SPTAN1: variants seen among roughly 807,000 people sequenced by gnomAD.
SPTAN1 encodes spectrin alpha chain, non-erythrocytic 1.
A neutral mutation model predicts 331.3 loss-of-function variants in SPTAN1; 61 were observed. The ratio of observed to expected loss-of-function variants is 0.18; its 90% CI spans 0.15 to 0.23. SPTAN1 has a LOEUF of 0.23. Among genes scored for constraint, SPTAN1 ranks in the 10% least tolerant of loss-of-function variants. SPTAN1 has a pLI of 1.00. For synonymous variants in SPTAN1, 1,153 were observed against 1,173.9 expected (o/e 0.98, Z 0.36); for missense variants, 2,043 against 3,147.9 (o/e 0.65, Z 8.40).
At chr9:128,591,348 G>A in intron 21 of SPTAN1, 129 bp from the exon 22 acceptor site, 2 of 1,173,208 alleles carry the variant, frequency 1.7e-6, no homozygotes. Flanking sequence ...TTATAGGTGT[G>A]AGCCACTGTG....
chr9:128,625,795 C>G lies in SPTAN1; in HGVS notation c.6096C>G (p.Ala2032=). 3 of 1,614,168 alleles carry G rather than the reference C, an allele frequency of 1.9e-6. No homozygotes were observed. The highest frequency in any genetic ancestry group is 2.5e-6 in the Non-Finnish European group (3 of 1,180,032). ...AAACTTTTGACGCTGGGCTGCAGGC[C>G]TTCCAGCAGGAAGGCATTGCCAACA... ...KQETFDAGLQ[A]FQQEGIANIT... The change falls in exon 48 of 57, where the codon GCC becomes GCG. Residue 2032 remains alanine (A), a synonymous_variant. Coordinates refer to ENST00000372739, the MANE Select transcript of SPTAN1 (RefSeq NM_001130438.3). The surrounding 1 kb of genome is among the most constrained non-coding windows in gnomAD (Gnocchi z 4.1).
chr9:128,624,517 C>G (rs990286984), intron 46 of SPTAN1, 30 bp downstream of exon 46: 7 of 1,610,664 alleles, frequency 4.3e-6, no homozygotes, highest in Non-Finnish European at 5.9e-6. Context: ...CCCGGAAGAG[C>G]CTTCCCAGAG....
chr9:128,583,368 C>T (rs1852184996), intron 15 of SPTAN1, 87 bp downstream of exon 15: 1 of 1,340,268 alleles, frequency 7.5e-7, no homozygotes, highest in Non-Finnish European at 1.0e-6. Context: ...CATATACCCC[C>T]CAAGAAAGGT....
chr9:128,596,781 C>G (rs545530374), intron 24 of SPTAN1: 1 of 152,380 alleles, frequency 6.6e-6, no homozygotes, highest in African/African-American at 2.4e-5. Context: ...ACCTCAAACT[C>G]CTGTGCTCAA....
chr9:128,586,528 G>A (rs766886425), intron 19 of SPTAN1, among the ~76,000 whole-genome samples: 1 of 151,932 alleles, frequency 6.6e-6, no homozygotes, highest in Non-Finnish European at 1.5e-5. Flanking sequence ...TGTCACTCTT[G>A]TTTCATCTAT....
intron 20 of SPTAN1, among the ~76,000 whole-genome samples, chr9:128,588,107 C>T (rs937449788): frequency 1.3e-5 from 2 of 151,094 alleles, no homozygotes; most frequent in African/African-American, 4.9e-5. Context: ...AAGCAATTAC[C>T]CTGCCTCAGC....
chr9:128,574,651 A>G, intron 3 of SPTAN1, 24 bp from the exon 4 acceptor site: 2 of 1,613,168 alleles, frequency 1.2e-6, no homozygotes, highest in Non-Finnish European at 1.7e-6. Flanking sequence ...TGATCTGATT[A>G]AAACTCTGAT....
At chr9:128,589,649 C>T (rs142169147) in intron 21 of SPTAN1, among the ~76,000 whole-genome samples, 4,455 of 148,788 alleles carry the variant, frequency 0.03, 239 homozygotes, top group African/African-American at 0.1. Flanking sequence ...GATCTCAGCT[C>T]ACTACAAGCT....
Position 128,633,571 on chromosome 9 carries a change from C to G in SPTAN1, c.*237C>G. 2 of 1,065,592 alleles carry G rather than the reference C, an allele frequency of 1.9e-6. No homozygotes were observed. Among genetic ancestry groups the G allele is most frequent in the South Asian group, 1.5e-5 (1 of 68,020 alleles). The allele number at this position is 1,065,592 out of a possible 1,614,324, so 66.0% of individuals were successfully genotyped here. ...TGCCCTCATTCCGACTTCAGAAAAT[C>G]GAAGCAGCTGGCTCCTCCCCTTGTT... is the stretch of plus-strand genomic sequence containing the variant. On this transcript the variant is annotated 3_prime_UTR_variant, in exon 57 of 57. Transcript: ENST00000372739.
chr9:128,569,117 C>T (rs1564197821), intron 3 of SPTAN1, among the ~76,000 whole-genome samples: 1 of 152,104 alleles, frequency 6.6e-6, no homozygotes, highest in Non-Finnish European at 1.5e-5. Context: ...ATTCCTTTTG[C>T]AGAGCAAATT....
chr9:128,581,114 C>T, intron 11 of SPTAN1, 55 bp downstream of exon 11: 1 of 1,610,056 alleles, frequency 6.2e-7, no homozygotes, highest in African/African-American at 1.3e-5. Flanking sequence ...CTGTGTTTTG[C>T]CTCCTCGGGT....
At chr9:128,584,983 G>A in intron 18 of SPTAN1, 140 bp downstream of exon 18, 6 of 966,740 alleles carry the variant, frequency 6.2e-6, no homozygotes, top group Non-Finnish European at 9.6e-6. Flanking sequence ...TGTATGACCT[G>A]ACCAGACCTT....
chr9:128,631,958 G>T, intron 52 of SPTAN1, 169 bp from the exon 53 acceptor site: 1 of 675,754 alleles, frequency 1.5e-6, no homozygotes, highest in Non-Finnish European at 2.5e-6. Flanking sequence ...TGAGGTGGTT[G>T]GGATTTCTTC....
intron 34 of SPTAN1, 81 bp downstream of exon 34, chr9:128,608,357 T>A (rs946069533): frequency 1.3e-6 from 2 of 1,561,246 alleles, no homozygotes; most frequent in African/African-American, 1.4e-5. Flanking sequence ...GTCACTGTTA[T>A]ATCTCCAAGG....
At chr9:128,557,904 C>T (rs914888608) in intron 1 of SPTAN1, among the ~76,000 whole-genome samples, 1 of 151,012 alleles carries the variant, frequency 6.6e-6, no homozygotes, top group Non-Finnish European at 1.5e-5. Context: ...CCCAGGTTCA[C>T]GCCATTCTCC....
chr9:128,614,190 C>G (rs1224603800), intron 40 of SPTAN1, among the ~76,000 whole-genome samples: 1 of 149,958 alleles, frequency 6.7e-6, no homozygotes, highest in East Asian at 2.0e-4. Context: ...TACAGTGGCT[C>G]ACACCTGTAA....
intron 1 of SPTAN1, among the ~76,000 whole-genome samples, chr9:128,560,658 G>A (rs992925933): frequency 6.6e-6 from 1 of 152,032 alleles, no homozygotes; most frequent in African/African-American, 2.4e-5. Context: ...GGGATTACAG[G>A]TGTGAGCCAC....
intron 2 of SPTAN1, among the ~76,000 whole-genome samples, chr9:128,567,482 G>C (rs1342649808): frequency 2.0e-5 from 3 of 152,038 alleles, no homozygotes; most frequent in African/African-American, 7.2e-5. Context: ...AGTAGAGATA[G>C]GGTTTTGCCA....
Position 128,598,676 on chromosome 9 carries a change from T to C in SPTAN1, c.3519+172T>C, listed in dbSNP as rs557304515. The C allele has an allele frequency of 3.8e-5, 26 of 692,050 alleles. 1 individual carries two copies. The highest frequency in any genetic ancestry group is 3.6e-4 in the East Asian group (13 of 35,950). The allele number at this position is 692,050 out of a possible 1,614,324, so 42.9% of individuals were successfully genotyped here. A position where few individuals can be genotyped will look rare whatever the true frequency, so the allele number is the denominator to read the frequency against. On this transcript the variant is annotated intron_variant, in intron 25 of 56. Coordinates refer to ENST00000372739, the MANE Select transcript of SPTAN1 (RefSeq NM_001130438.3). ...ATTTTGATTAACTTCTTTATACCCA[T>C]ATCCCTCACTTTCACTTGGTTTGGA...
Sources: allele counts gnomAD v4.1 joint callset (sites outside exome capture counted in the v4.1 genomes callset), GRCh38; gene constraint gnomAD v4.1.1; non-coding constraint Gnocchi (gnomAD v3.1); transcripts MANE v1.5; gene names NCBI Gene and HGNC (gene_info 2026-07-23, HGNC 2026-07-21).